The following MSH3 variants were observed in gnomAD, a reference collection of about 807,000 sequenced individuals.
MSH3 encodes the protein mutS homolog 3.
Under a neutral mutation model 123.3 loss-of-function variants are expected in MSH3, and 106 were observed. The ratio of observed to expected loss-of-function variants is 0.86; its 90% CI spans 0.73 to 1.01. MSH3 has a LOEUF of 1.01. Ranked by LOEUF, MSH3 falls within the 50% of genes least tolerant of loss-of-function variation. The pLI is 0.00. For missense variants in MSH3, 1,459 were observed against 1,347.6 expected (o/e 1.08, Z -1.29); for synonymous variants, 515 against 481.4 (o/e 1.07, Z -0.91).
At chr5:80,830,636 GT>G (rs1745399892) in intron 20 of MSH3, among the ~76,000 whole-genome samples, 1 of 152,154 alleles carries the variant, frequency 6.6e-6, no homozygotes, top group Non-Finnish European at 1.5e-5. Flanking sequence ...TTTCTTTGCA[GT>G]TCTTGGGACT....
intron 12 of MSH3, among the ~76,000 whole-genome samples, chr5:80,751,959 G>A (rs1743847603): frequency 6.6e-6 from 1 of 152,006 alleles, no homozygotes; most frequent in Non-Finnish European, 1.5e-5. Context: ...TCTGATGTGA[G>A]GTTGTAAATA....
At chr5:80,774,999 G>A (rs1221655418) in intron 15 of MSH3, among the ~76,000 whole-genome samples, 1 of 152,062 alleles carries the variant, frequency 6.6e-6, no homozygotes, top group African/African-American at 2.4e-5. Flanking sequence ...TTGAGGAGAT[G>A]GATACCCCAT....
intron 19 of MSH3, among the ~76,000 whole-genome samples, chr5:80,793,748 A>T (rs1580054166): frequency 6.6e-6 from 1 of 152,228 alleles, no homozygotes; most frequent in South Asian, 2.1e-4. Context: ...CAGTTCACTC[A>T]TATCAAGAAA....
In MSH3 at chr5:80,678,904, ATTATAT is replaced by A. The variant is rs753737931; in HGVS notation, c.1174-20_1174-15del. 14 of 1,613,610 alleles carry A rather than the reference ATTATAT, an allele frequency of 8.7e-6. No homozygotes were observed. In the East Asian group the frequency reaches 2.0e-4, roughly 23 times the overall value. The stretch of plus-strand genomic sequence containing the variant: ...TGGGGAAATACATTTTTTCTGTAAC[ATTATAT>A]TTGTATTTGTTTTTAGGGAGTGCAG... On this transcript the variant is annotated splice_polypyrimidine_tract_variant and intron_variant, in intron 7 of 23. Transcript: ENST00000265081.
At chr5:80,711,332 TGAA>T (rs1750853560) in intron 8 of MSH3, among the ~76,000 whole-genome samples, 1 of 152,220 alleles carries the variant, frequency 6.6e-6, no homozygotes, top group Non-Finnish European at 1.5e-5. Context: ...TCTTTAAGCC[TGAA>T]GAAGCGTGGG....
chr5:80,853,996 T>G lies in MSH3; in HGVS notation c.2814-134T>G, dbSNP rs541756739. 106 of 724,372 alleles carry G rather than the reference T, an allele frequency of 1.5e-4. No homozygotes were observed. The African/African-American group carries it at 1.8e-3, about 12-fold the overall frequency. 44.9% of individuals were successfully genotyped at this position (724,372 alleles called of 1,614,324 possible). A position where few individuals can be genotyped will look rare whatever the true frequency, so the allele number is the denominator to read the frequency against. ...TCCAACATGTTTTCTTTTGTTTAAT[T>G]TAATTTGAGCTATTATTGGCTCAAA... On this transcript the variant is annotated intron_variant, in intron 20 of 23. Coordinates refer to ENST00000265081, the MANE Select transcript of MSH3 (RefSeq NM_002439.5).
intron 15 of MSH3, among the ~76,000 whole-genome samples, chr5:80,775,479 G>A (rs967323332): frequency 6.6e-6 from 1 of 152,058 alleles, no homozygotes; most frequent in Non-Finnish European, 1.5e-5. Flanking sequence ...TATTACAAAT[G>A]TTTTATGCAA....
Position 80,864,874 on chromosome 5 carries a change from A to G in MSH3, c.3062A>G (p.Tyr1021Cys), listed in dbSNP as rs1561503554. 1.4e-5 allele frequency: 22 copies of G among 1,613,416 alleles called. No individual in the cohort carries two copies. The highest frequency in any genetic ancestry group is 1.8e-5 in the Non-Finnish European group (21 of 1,179,352). Residue 1021 changes from tyrosine (Y) to cysteine (C), a missense_variant, in exon 22 of 24, where the codon TAC (tyrosine) becomes TGC (cysteine). Coordinates refer to ENST00000265081, the MANE Select transcript of MSH3 (RefSeq NM_002439.5). ...CCAGTTTGTGAACTAGAAAAAAATT[A>G]CTCACACCAGGTGGGGAATTACCAC... ...YPPVCELEKNYSHQVGNYHMG... is the reference protein window; with the variant it reads ...YPPVCELEKNCSHQVGNYHMG...
intron 20 of MSH3, among the ~76,000 whole-genome samples, chr5:80,823,376 G>A (rs917853173): frequency 6.6e-6 from 1 of 152,040 alleles, no homozygotes; most frequent in Non-Finnish European, 1.5e-5. Flanking sequence ...TTTTTCTGGG[G>A]CAAATATCTC....
intron 15 of MSH3, among the ~76,000 whole-genome samples, chr5:80,773,775 T>G (rs901546285): frequency 6.6e-6 from 1 of 152,222 alleles, no homozygotes; most frequent in African/African-American, 2.4e-5. Flanking sequence ...TTTTTCTTTT[T>G]GTTTTTTATT....
At chr5:80,766,185 T>C (rs1206250213) in intron 13 of MSH3, among the ~76,000 whole-genome samples, 1 of 152,146 alleles carries the variant, frequency 6.6e-6, no homozygotes, top group East Asian at 1.9e-4. Flanking sequence ...ACAAGTCTTT[T>C]TGGATTCTTG....
intron 19 of MSH3, among the ~76,000 whole-genome samples, chr5:80,812,079 A>G (rs1448019552): frequency 6.6e-6 from 1 of 152,198 alleles, no homozygotes; most frequent in East Asian, 1.9e-4. Context: ...CCTTCAAGTA[A>G]TGGAGATATA....
chr5:80,781,246 G>A (rs1172533663), intron 17 of MSH3, among the ~76,000 whole-genome samples: 1 of 152,044 alleles, frequency 6.6e-6, no homozygotes. Context: ...TGTGAAAACT[G>A]AACTAAAATT....
At chr5:80,819,446 ATGTGTGTG>A (rs35865568) in intron 20 of MSH3, among the ~76,000 whole-genome samples, 1 of 136,786 alleles carries the variant, frequency 7.3e-6, no homozygotes, top group African/African-American at 2.7e-5. Flanking sequence ...ATATATGTAT[ATGTGTGTG>A]TGTGTGTGTG....
Position 80,654,817 on chromosome 5 carries a change from T to G in MSH3, c.90T>G (p.Ser30=). 1 of 1,605,472 alleles carries G rather than the reference T, an allele frequency of 6.2e-7. No homozygotes were observed. Among genetic ancestry groups the G allele is most frequent in the Non-Finnish European group, 8.5e-7 (1 of 1,176,714 alleles). The change falls in exon 1 of 24, where the codon TCT becomes TCG. Residue 30 remains serine, a synonymous_variant. Coordinates refer to ENST00000265081, the MANE Select transcript of MSH3 (RefSeq NM_002439.5). ...RQAVLSRFFQ[S]TGSLKSTSSS... ...CGGTTTTGAGCCGATTCTTCCAGTC[T>G]ACGGGAAGCCTGAAATCCACCTCCT...
Position 80,654,975 on chromosome 5 carries a change from T to C in MSH3, c.237+11T>C, listed in dbSNP as rs2112798833. On this transcript the variant is annotated intron_variant, in intron 1 of 23. Coordinates refer to ENST00000265081, the MANE Select transcript of MSH3 (RefSeq NM_002439.5). Reference sequence around the variant, plus strand: ...CTGCCGCCGCACATAGTAGGTTCTGTCTGGGACTGGGCAGGGCCATCGGGG... The same window carrying C: ...CTGCCGCCGCACATAGTAGGTTCTGCCTGGGACTGGGCAGGGCCATCGGGG... 1.4e-6 allele frequency: 2 copies of C among 1,436,172 alleles called. No individual in the cohort carries two copies. The allele number at this position is 1,436,172 out of a possible 1,614,324, so 89.0% of individuals were successfully genotyped here.
intron 19 of MSH3, among the ~76,000 whole-genome samples, chr5:80,806,847 A>G (rs987004473): frequency 1.3e-5 from 2 of 152,206 alleles, no homozygotes; most frequent in Admixed American, 1.3e-4. Context: ...GAACATATGA[A>G]TATGTCCCTC....
At chr5:80,666,011 G>A (rs542599101) in intron 3 of MSH3, among the ~76,000 whole-genome samples, 91 of 151,982 alleles carry the variant, frequency 6.0e-4, no homozygotes, top group Non-Finnish European at 1.1e-3. Flanking sequence ...TATCTAATTG[G>A]TTTTCACTGA....
At chr5:80,705,927 A>G (rs900490573) in intron 8 of MSH3, among the ~76,000 whole-genome samples, 1 of 152,146 alleles carries the variant, frequency 6.6e-6, no homozygotes, top group Non-Finnish European at 1.5e-5. Context: ...GAGGGTGTGG[A>G]CTTCCACATT....
Sources: allele counts gnomAD v4.1 joint callset (sites outside exome capture counted in the v4.1 genomes callset), GRCh38; gene constraint gnomAD v4.1.1; transcripts MANE v1.5; gene names NCBI Gene and HGNC (gene_info 2026-07-23, HGNC 2026-07-21).